The following DNM3 variants were observed in gnomAD, a reference collection of about 807,000 sequenced individuals.
The protein encoded by DNM3 is dynamin 3, also known as dynamin-3.
In DNM3, 47 loss-of-function variants were observed where a neutral mutation model predicts 101.6. That is an observed-to-expected ratio of 0.46 (90% CI 0.37 to 0.59). The LOEUF (loss-of-function observed/expected upper bound fraction) is 0.59. DNM3 is among the 20% of genes least tolerant of loss of function. The pLI, the probability that DNM3 is intolerant of heterozygous loss-of-function variation, is 0.00. For missense variants in DNM3, 849 were observed against 1,085.7 expected, an observed-to-expected ratio of 0.78 and a Z score of 3.06; for synonymous variants, 385 against 387.9, an observed-to-expected ratio of 0.99 and a Z score of 0.09.
intron 1 of DNM3, among the ~76,000 whole-genome samples, chr1:171,847,212 G>C (rs1319528022): frequency 6.6e-6 from 1 of 152,206 alleles, no homozygotes; most frequent in African/African-American, 2.4e-5. Flanking sequence ...CATGTAAAAT[G>C]AAGGTAGTCA....
In DNM3 at chr1:172,326,993, G is replaced by A. The variant is rs954363869; in HGVS notation, c.1893+3653G>A. 2.6e-5 allele frequency among the ~76,000 whole-genome samples: 4 copies of A among 152,270 alleles called. No homozygotes were observed. In the South Asian group the frequency reaches 8.3e-4, roughly 32 times the overall value. ...TCCCCCACAGAATTTAAGGCTGACT[G>A]TATTGCTTAGAGAGAAGGATCATTT... On this transcript the variant is annotated intron_variant, in intron 17 of 20. Coordinates refer to ENST00000627582, the MANE Select transcript of DNM3 (RefSeq NM_015569.5).
intron 6 of DNM3, among the ~76,000 whole-genome samples, chr1:172,036,278 A>G (rs1206086162): frequency 6.7e-6 from 1 of 150,146 alleles, no homozygotes; most frequent in Non-Finnish European, 1.5e-5. Flanking sequence ...TTCTTGCGAT[A>G]GTTTACTGAG....
At chr1:171,938,996 T>A (rs995998834) in intron 2 of DNM3, among the ~76,000 whole-genome samples, 1 of 152,184 alleles carries the variant, frequency 6.6e-6, no homozygotes, top group Non-Finnish European at 1.5e-5. Flanking sequence ...GAATTGCTGG[T>A]TATGTTAATT....
At chr1:171,846,019 C>T (rs1489483467) in intron 1 of DNM3, among the ~76,000 whole-genome samples, 3 of 152,072 alleles carry the variant, frequency 2.0e-5, no homozygotes, top group Non-Finnish European at 2.9e-5. Context: ...TGATATTTTT[C>T]AAGAAATTGC....
At chr1:172,133,473 G>A in intron 14 of DNM3, 3 of 964,214 alleles carry the variant, frequency 3.1e-6, no homozygotes, top group Non-Finnish European at 2.5e-6. Flanking sequence ...GCAGGTGAGA[G>A]TGGAAATGAC....
At chr1:171,879,061 A>G (rs1363063009) in intron 1 of DNM3, among the ~76,000 whole-genome samples, 1 of 152,216 alleles carries the variant, frequency 6.6e-6, no homozygotes, top group East Asian at 1.9e-4. Flanking sequence ...TCATGATTCA[A>G]TCTGCTGCTC....
chr1:172,235,718 C>T (rs569187320), intron 14 of DNM3, among the ~76,000 whole-genome samples: 1 of 152,106 alleles, frequency 6.6e-6, no homozygotes, highest in South Asian at 2.1e-4. Context: ...AGCTGGAAAC[C>T]ATCATTCTCA....
At chr1:172,081,674 A>T (rs1187291475) in intron 11 of DNM3, among the ~76,000 whole-genome samples, 158 bp from the exon 12 acceptor site, 4 of 152,244 alleles carry the variant, frequency 2.6e-5, no homozygotes, top group Admixed American at 2.6e-4. Context: ...GTGCAAAATT[A>T]TGAGTCTAAT....
intron 14 of DNM3, among the ~76,000 whole-genome samples, chr1:172,152,130 C>T (rs1328086276): frequency 2.6e-5 from 4 of 152,094 alleles, no homozygotes; most frequent in Admixed American, 6.5e-5. Context: ...GGGATCTTCC[C>T]ACCTTGGCCT....
rs2064948213 is a variant in DNM3 at position 172,308,618 on chromosome 1, GA to G, written c.1770-107del. The G allele has an allele frequency of 8.7e-6, 4 of 462,030 alleles. No individual in the cohort carries two copies. The East Asian group carries it at 1.0e-4, about 12-fold the overall frequency. The allele number at this position is 462,030 out of a possible 1,614,324, so 28.6% of individuals were successfully genotyped here. On this transcript the variant is annotated intron_variant, in intron 15 of 20. Coordinates refer to ENST00000627582, the MANE Select transcript of DNM3 (RefSeq NM_015569.5). ...TTTTGTTTTCCTTCAGTGACTGTCA[GA>G]AACTGTCCATTTGGATTGTCACTTA...
intron 10 of DNM3, among the ~76,000 whole-genome samples, chr1:172,050,411 G>T (rs2050122874): frequency 6.6e-6 from 1 of 152,108 alleles, no homozygotes. Flanking sequence ...CAGTTGTGCT[G>T]TGTCTGTTCC....
intron 11 of DNM3, among the ~76,000 whole-genome samples, chr1:172,077,800 T>C (rs987732846): frequency 3.3e-5 from 5 of 152,220 alleles, no homozygotes; most frequent in Non-Finnish European, 7.3e-5. Flanking sequence ...GAGAGTTCTG[T>C]AGATGTCTAT....
intron 14 of DNM3, among the ~76,000 whole-genome samples, chr1:172,182,017 A>G (rs1042692123): frequency 6.6e-6 from 1 of 151,980 alleles, no homozygotes. Context: ...TTTAAAGATA[A>G]TATGTAAGGG....
At chr1:172,097,137 T>A (rs1488998916) in intron 13 of DNM3, among the ~76,000 whole-genome samples, 1 of 151,838 alleles carries the variant, frequency 6.6e-6, no homozygotes, top group Non-Finnish European at 1.5e-5. Context: ...CACGGTGACT[T>A]ATGCCTGTAA....
chr1:172,344,586 A>T (rs2066845916), intron 17 of DNM3, among the ~76,000 whole-genome samples: 1 of 152,196 alleles, frequency 6.6e-6, no homozygotes. Flanking sequence ...GGCTATAAGA[A>T]GCCTGCTGTT....
At chr1:172,406,547 T>A (rs1167955058) in intron 20 of DNM3, among the ~76,000 whole-genome samples, 2 of 152,024 alleles carry the variant, frequency 1.3e-5, no homozygotes, top group African/African-American at 4.8e-5. Context: ...GTAAAAGGAA[T>A]TCTACTAATA....
At chr1:172,347,854 G>A (rs1018843026) in intron 17 of DNM3, among the ~76,000 whole-genome samples, 1 of 152,144 alleles carries the variant, frequency 6.6e-6, no homozygotes, top group African/African-American at 2.4e-5. Context: ...TTAGTAAATT[G>A]TAGTATATTT....
At chr1:172,199,624 T>A (rs538087781) in intron 14 of DNM3, among the ~76,000 whole-genome samples, 1 of 152,098 alleles carries the variant, frequency 6.6e-6, no homozygotes, top group Admixed American at 6.6e-5. Flanking sequence ...AGGATAGTCT[T>A]CTTGTTGAAT....
intron 15 of DNM3, among the ~76,000 whole-genome samples, chr1:172,278,313 A>G (rs2063363217): frequency 6.6e-6 from 1 of 152,144 alleles, no homozygotes; most frequent in Admixed American, 6.6e-5. Context: ...GTGTTTCACA[A>G]TATGTAATGC....
Sources: allele counts gnomAD v4.1 joint callset (sites outside exome capture counted in the v4.1 genomes callset), GRCh38; gene constraint gnomAD v4.1.1; transcripts MANE v1.5; gene names NCBI Gene and HGNC (gene_info 2026-07-23, HGNC 2026-07-21).